Variants in MASP1 observed in about 807,000 individuals in gnomAD.
MASP1 encodes MBL associated serine protease 1.
In MASP1, 59 loss-of-function variants were observed where a neutral mutation model predicts 77.1. The ratio of observed to expected loss-of-function variants is 0.77; its 90% CI spans 0.62 to 0.95. The LOEUF is 0.95. MASP1 is among the 40% of genes least tolerant of loss of function. MASP1 has a pLI of 0.00. For synonymous variants in MASP1, 362 were observed against 354.5 expected, an observed-to-expected ratio of 1.02 and a Z score of -0.24; for missense variants, 885 against 912.9, an observed-to-expected ratio of 0.97 and a Z score of 0.39.
intron 8 of MASP1, chr3:187,243,910 A>G (rs1233690716): frequency 2.2e-6 from 1 of 449,800 alleles, no homozygotes; most frequent in African/African-American, 2.0e-5. Context: ...GTTTAAGCAG[A>G]CTCCAGTCTT....
At chr3:187,284,022 T>A (rs776181626) in intron 2 of MASP1, among the ~76,000 whole-genome samples, 19 of 152,174 alleles carry the variant, frequency 1.2e-4, no homozygotes, top group Admixed American at 1.1e-3. Flanking sequence ...AAGACCCCCC[T>A]GGTTGATCCT....
chr3:187,220,492 C>CTTTTTTTTTT (rs747532550), intron 15 of MASP1, among the ~76,000 whole-genome samples: 1 of 134,564 alleles, frequency 7.4e-6, no homozygotes, highest in Non-Finnish European at 1.5e-5. Flanking sequence ...TTTCTTTTTT[C>CTTTTTTTTTT]TTTCTTTTTT....
rs746403939 is a variant in MASP1 at position 187,235,523 on chromosome 3, C to T, written c.*161G>A. ...TGCCTGGAGCCTTTTCCCTATACCA[C>T]ACTCTGCCTCTCAGGGTCCTGGGGG... is the stretch of plus-strand genomic sequence containing the variant. On this transcript the variant is annotated 3_prime_UTR_variant, in exon 11 of 11. Transcript: ENST00000296280. 6.5e-7 allele frequency: 1 copy of T among 1,533,346 alleles called. No individual in the cohort carries two copies. The highest frequency in any genetic ancestry group is 8.7e-7 in the Non-Finnish European group (1 of 1,146,794). The allele number at this position is 1,533,346 out of a possible 1,614,324, so 95.0% of individuals were successfully genotyped here. A position where few individuals can be genotyped will look rare whatever the true frequency, so the allele number is the denominator to read the frequency against.
chr3:187,244,287 C>T (rs1713903739), intron 8 of MASP1: 1 of 158,358 alleles, frequency 6.3e-6, no homozygotes, highest in South Asian at 1.8e-4. Flanking sequence ...AGCCATAATT[C>T]CCAGTACAGG....
At chr3:187,283,547 TAAG>T (rs1465442189) in intron 2 of MASP1, among the ~76,000 whole-genome samples, 1 of 152,162 alleles carries the variant, frequency 6.6e-6, no homozygotes, top group African/African-American at 2.4e-5. Flanking sequence ...AGTCAAATCT[TAAG>T]GAGGAGAGGG....
rs534164700 is a variant in MASP1 at position 187,225,028 on chromosome 3, C to T, written c.1741+296G>A. 2.9e-3 allele frequency among the ~76,000 whole-genome samples: 435 copies of T among 152,320 alleles called. 2 individuals are homozygous for T. Among genetic ancestry groups the T allele is most frequent in the Non-Finnish European group, 4.1e-3 (280 of 68,022 alleles). On this transcript the variant is annotated intron_variant, in intron 13 of 15. Coordinates refer to the MASP1 transcript ENST00000337774. ...AGGTACCATCTCTATGATCTCAGCTCTTCCCTCTTACTTCTCCAATCCTCC... is the reference window on the plus strand; with the variant it reads ...AGGTACCATCTCTATGATCTCAGCTTTTCCCTCTTACTTCTCCAATCCTCC...
At chr3:187,225,752 C>G (rs1205358339) in intron 12 of MASP1, among the ~76,000 whole-genome samples, 1 of 152,180 alleles carries the variant, frequency 6.6e-6, no homozygotes, top group African/African-American at 2.4e-5. Context: ...TGTTCTGATG[C>G]CTGCTGCCAC....
At chr3:187,275,634 C>A (rs575331105) in intron 2 of MASP1, among the ~76,000 whole-genome samples, 3 of 152,132 alleles carry the variant, frequency 2.0e-5, no homozygotes, top group African/African-American at 7.2e-5. Flanking sequence ...TATTAGAAAC[C>A]AGTTCTATGA....
chr3:187,225,889 C>T (rs556625863), intron 12 of MASP1, among the ~76,000 whole-genome samples: 15 of 152,306 alleles, frequency 9.8e-5, no homozygotes, highest in African/African-American at 2.6e-4. Flanking sequence ...TGTTCTTCTT[C>T]TACAAAACTT....
chr3:187,235,741 C>T lies in MASP1; in HGVS notation c.2130G>A (p.Trp710Ter), dbSNP rs1168464371. Residue 710 changes from tryptophan to a stop codon, truncating the protein, a stop_gained, in exon 11 of 11, where the codon TGG (tryptophan) becomes TGA (stop). Coordinates refer to ENST00000296280, the MANE Select transcript of MASP1 (RefSeq NM_139125.4). LOFTEE classifies it high-confidence loss of function. ...VYTKVSNYVDWVWEQMGLPQS... is the reference protein window; with the variant it reads ...VYTKVSNYVD ...GTGGTAAGCCCATCTGCTCCCACAC[C>T]CAGTCCACGTAATTGGAGACCTTTG... is the stretch of plus-strand genomic sequence containing the variant. 1 of 1,614,040 alleles carries T rather than the reference C, an allele frequency of 6.2e-7. No individual in the cohort carries two copies. The highest frequency in any genetic ancestry group is 8.5e-7 in the Non-Finnish European group (1 of 1,180,034).
chr3:187,264,639 G>A (rs901203241), intron 2 of MASP1, among the ~76,000 whole-genome samples: 1 of 152,104 alleles, frequency 6.6e-6, no homozygotes, highest in Non-Finnish European at 1.5e-5. Context: ...TTGACCTGGC[G>A]TTAAACATTG....
intron 13 of MASP1, chr3:187,223,232 T>A: frequency 1.3e-6 from 2 of 1,568,184 alleles, no homozygotes. Context: ...AGAGAAGCTA[T>A]CTGTGGGGTG....
At chr3:187,249,681 C>T (rs1383193118) in intron 8 of MASP1, among the ~76,000 whole-genome samples, 1 of 152,114 alleles carries the variant, frequency 6.6e-6, no homozygotes, top group Non-Finnish European at 1.5e-5. Context: ...ATAGTTGAGG[C>T]GAAGGGTCTT....
chr3:187,255,840 T>C (rs1054082514), intron 5 of MASP1, among the ~76,000 whole-genome samples: 4 of 152,168 alleles, frequency 2.6e-5, no homozygotes, highest in Non-Finnish European at 4.4e-5. Context: ...TTCCTTTTTT[T>C]TTTTCTAGGA....
At position 187,236,336 on chromosome 3, in the gene MASP1, G is replaced by A; in HGVS notation, c.1535C>T (p.Ser512Phe). The stretch of plus-strand genomic sequence containing the variant: ...CAGGTAGACGGTGACATGCTCCTTG[G>A]AGACTGGTATCACCGTGGTGTCTCT... ...QRRDTTVIPV[S>F]KEHVTVYLGL... The change falls in exon 11 of 11, where the codon TCC (serine) becomes TTC (phenylalanine). Residue 512 changes from serine (S) to phenylalanine (F), a missense_variant. Physicochemically the swap from Ser to Phe is radical, Grantham distance 155. Transcript: ENST00000296280. The A allele has an allele frequency of 6.2e-7, 1 of 1,614,252 alleles. No individual in the cohort carries two copies. The highest frequency in any genetic ancestry group is 1.1e-5 in the South Asian group (1 of 91,086).
chr3:187,259,580 C>T (rs1255268013), intron 4 of MASP1, among the ~76,000 whole-genome samples: 2 of 152,138 alleles, frequency 1.3e-5, no homozygotes, highest in Admixed American at 6.5e-5. Flanking sequence ...AAACCTTGCT[C>T]TGCCCTAAGC....
intron 2 of MASP1, among the ~76,000 whole-genome samples, chr3:187,281,587 C>T (rs1164825368): frequency 6.6e-6 from 1 of 152,246 alleles, no homozygotes; most frequent in Admixed American, 6.5e-5. Context: ...GCATCCCCAG[C>T]AGGCTGCAGG....
intron 2 of MASP1, among the ~76,000 whole-genome samples, chr3:187,280,403 T>A (rs190825299): frequency 6.6e-6 from 1 of 152,346 alleles, no homozygotes; most frequent in African/African-American, 2.4e-5. Context: ...GATTTATGCT[T>A]CCTTTTACAG....
intron 3 of MASP1, 83 bp from the exon 4 acceptor site, chr3:187,260,955 G>C: frequency 6.8e-7 from 1 of 1,475,168 alleles, no homozygotes; most frequent in South Asian, 1.1e-5. Flanking sequence ...CTTGATATGG[G>C]CCACTCACTA....
Sources: allele counts gnomAD v4.1 joint callset (sites outside exome capture counted in the v4.1 genomes callset), GRCh38; gene constraint gnomAD v4.1.1; transcripts MANE v1.5; gene names NCBI Gene and HGNC (gene_info 2026-07-23, HGNC 2026-07-21).